Variants in ZNF560 observed in about 807,000 individuals in gnomAD.
ZNF560 encodes zinc finger protein 560.
Under a neutral mutation model 81.8 loss-of-function variants are expected in ZNF560, and 54 were observed. The observed-to-expected ratio is 0.66, with a 90% confidence interval of 0.53 to 0.83. ZNF560 has a LOEUF of 0.83. ZNF560 is among the 40% of genes least tolerant of loss of function. The pLI is 0.00. For synonymous variants in ZNF560, 321 were observed against 317.9 expected (o/e 1.01, Z -0.10); for missense variants, 940 against 932.4 (o/e 1.01, Z -0.11).
chr19:9,477,111 A>G (rs186506309), intron 2 of ZNF560, among the ~76,000 whole-genome samples: 6 of 152,302 alleles, frequency 3.9e-5, no homozygotes, highest in Admixed American at 1.3e-4. Flanking sequence ...GAAATAGTAT[A>G]TGTTCTGTAT....
the ZNF560 span, among the ~76,000 whole-genome samples, chr19:9,455,925 G>GA: frequency 1.3e-5 from 2 of 152,104 alleles, no homozygotes; most frequent in Admixed American, 1.3e-4. Context: ...AGAGAATGTA[G>GA]AAAAAATCAG....
At chr19:9,451,806 GTCTCACAC>G in the ZNF560 span, among the ~76,000 whole-genome samples, 1 of 152,156 alleles carries the variant, frequency 6.6e-6, no homozygotes, top group Non-Finnish European at 1.5e-5. Flanking sequence ...TTGGCGCAGT[GTCTCACAC>G]CTGTAACCCC....
At chr19:9,452,126 C>T in the ZNF560 span, among the ~76,000 whole-genome samples, 1 of 151,708 alleles carries the variant, frequency 6.6e-6, no homozygotes, top group African/African-American at 2.4e-5. Flanking sequence ...ACAGGCAGTT[C>T]TCAAAAGAAG....
rs763155359 is a variant in ZNF560, at chr19:9,467,580, C to T, written c.1367G>A (p.Gly456Glu). 7.4e-6 allele frequency: 12 copies of T among 1,614,116 alleles called. No homozygotes were observed. Among genetic ancestry groups the T allele is most frequent in the Non-Finnish European group, 1.7e-6 (2 of 1,180,014 alleles). The change falls in exon 10 of 10, where the codon GGA (glycine) becomes GAA (glutamate). Residue 456 changes from glycine to glutamate, a missense_variant. Coordinates refer to ENST00000301480, the MANE Select transcript of ZNF560 (RefSeq NM_152476.3). ...SLFGHLRVHN[G>E]EKPYEHKEYG... ...TTCCTTATGCTCATATGGCTTCTCTCCATTATGAACTCTCAAATGTCCAAA... is the reference window on the plus strand; with the variant it reads ...TTCCTTATGCTCATATGGCTTCTCTTCATTATGAACTCTCAAATGTCCAAA...
At chr19:9,500,866 C>T (rs1389005083), upstream of ZNF560, among the ~76,000 whole-genome samples, 2 of 152,080 alleles carry the variant, frequency 1.3e-5, no homozygotes, top group South Asian at 2.1e-4. Flanking sequence ...TGAGCCACCA[C>T]GCCTGGCCAG....
At chr19:9,477,995 A>G (rs943663633) in intron 2 of ZNF560, among the ~76,000 whole-genome samples, 3 of 152,204 alleles carry the variant, frequency 2.0e-5, no homozygotes, top group Non-Finnish European at 4.4e-5. Context: ...CAATAACAAC[A>G]TTTCCACACT....
chr19:9,493,510 G>A lies in ZNF560; in HGVS notation c.-57+4618C>T, dbSNP rs945554068. Among the ~76,000 whole-genome samples, 99 of 151,982 alleles carry A rather than the reference G, an allele frequency of 6.5e-4. 1 individual carries two copies. Among genetic ancestry groups the A allele is most frequent in the South Asian group, 1.0e-3 (5 of 4,800 alleles). Reference sequence around the variant, plus strand: ...CTCCCAAGTAGCTGGGATTACAGGCGCCCGCCACGCCCAACTAATTTTTGT... The same window carrying A: ...CTCCCAAGTAGCTGGGATTACAGGCACCCGCCACGCCCAACTAATTTTTGT... On this transcript the variant is annotated intron_variant, in intron 2 of 9. Transcript: ENST00000301480.
intron 2 of ZNF560, among the ~76,000 whole-genome samples, chr19:9,483,620 G>A (rs1249660974): frequency 6.8e-6 from 1 of 147,972 alleles, no homozygotes; most frequent in Non-Finnish European, 1.5e-5. Flanking sequence ...CCCCGTCTGG[G>A]AGGGAGGTGG....
intron 2 of ZNF560, among the ~76,000 whole-genome samples, chr19:9,488,273 T>C (rs1368651167): frequency 2.0e-5 from 3 of 152,182 alleles, no homozygotes; most frequent in Non-Finnish European, 4.4e-5. Flanking sequence ...GCTGGGGCCA[T>C]GCTCTTAGAC....
At chr19:9,451,940 G>A in the ZNF560 span, among the ~76,000 whole-genome samples, 41 of 152,070 alleles carry the variant, frequency 2.7e-4, no homozygotes, top group Middle Eastern at 3.2e-3. Context: ...GCTGGGCATG[G>A]TGGCGAACAT....
Position 9,475,314 on chromosome 19 carries a change from C to T in ZNF560, c.-1G>A, listed in dbSNP as rs1442684462. On this transcript the variant is annotated 5_prime_UTR_variant, in exon 3 of 10. Transcript: ENST00000301480. ...AACAATTTGTCAGGCAGTAAGCCAT[C>T]TTCCTTTCTGCCTCTGTCTTTTCTT... 6.2e-7 allele frequency: 1 copy of T among 1,613,712 alleles called. No homozygotes were observed. Among genetic ancestry groups the T allele is most frequent in the Non-Finnish European group, 8.5e-7 (1 of 1,179,884 alleles).
upstream of ZNF560, among the ~76,000 whole-genome samples, chr19:9,502,162 A>G (rs1599691590): frequency 6.7e-6 from 1 of 148,614 alleles, no homozygotes; most frequent in East Asian, 1.9e-4. Flanking sequence ...TCAAAAAAGA[A>G]AAAAAGAAAA....
At chr19:9,449,349 G>C in the ZNF560 span, among the ~76,000 whole-genome samples, 1 of 152,242 alleles carries the variant, frequency 6.6e-6, no homozygotes, top group East Asian at 1.9e-4. Context: ...ACCAAGATCT[G>C]TCAAAATCAC....
chr19:9,475,159 A>G (rs1568456546), intron 3 of ZNF560, 125 bp downstream of exon 3: 1 of 939,520 alleles, frequency 1.1e-6, no homozygotes, highest in East Asian at 2.6e-5. Flanking sequence ...TCAACAAGTG[A>G]CTCAGTGCTT....
chr19:9,478,897 C>A (rs929896456), intron 2 of ZNF560, among the ~76,000 whole-genome samples: 2 of 152,028 alleles, frequency 1.3e-5, no homozygotes, highest in Admixed American at 1.3e-4. Context: ...AGGTGCAGTG[C>A]CTCATGCCAC....
rs2073105289 is a variant in ZNF560, at chr19:9,470,535, A to T, written c.322-17T>A. On this transcript the variant is annotated splice_polypyrimidine_tract_variant and intron_variant, in intron 6 of 9. Coordinates refer to ENST00000301480, the MANE Select transcript of ZNF560 (RefSeq NM_152476.3). ...TACCAGGTCCTAAACCATCAGACAC[A>T]TGCTGATTTGAGCCAAGCAACATCT... The T allele has an allele frequency of 1.2e-6, 2 of 1,614,208 alleles. No homozygotes were observed. Among genetic ancestry groups the T allele is most frequent in the Non-Finnish European group, 1.7e-6 (2 of 1,180,024 alleles).
Position 9,466,820 on chromosome 19 carries a change from T to C in ZNF560, c.2127A>G (p.Ile709Met), listed in dbSNP as rs1489421439. Residue 709 changes from isoleucine to methionine, a missense_variant, in exon 10 of 10, where the codon ATA becomes ATG. Transcript: ENST00000301480. The part of the protein sequence containing the change: ...FHDRLKTLTK[I>M]KPYKCKDCGK... The stretch of plus-strand genomic sequence containing the variant: ...CACAGTCCTTACATTTATAGGGTTT[T>C]ATTTTGGTGAGAGTTTTTAAGCGAT... 6.2e-7 allele frequency: 1 copy of C among 1,611,878 alleles called. No homozygotes were observed. The highest frequency in any genetic ancestry group is 8.5e-7 in the Non-Finnish European group (1 of 1,179,274).
intron 2 of ZNF560, among the ~76,000 whole-genome samples, chr19:9,495,593 T>C (rs1450853703): frequency 1.3e-5 from 2 of 151,794 alleles, no homozygotes; most frequent in Non-Finnish European, 2.9e-5. Context: ...TGTAATCCCA[T>C]CTACTTGGGA....
intron 2 of ZNF560, among the ~76,000 whole-genome samples, chr19:9,482,666 C>CACGGTCTCCCTCTCCCT (rs2073309985): frequency 6.7e-6 from 1 of 149,402 alleles, no homozygotes; most frequent in African/African-American, 2.5e-5. Context: ...TCCCTCTCCC[C>CACGGTCTCCCTCTCCCT]ACGGTCTCCC....
Sources: gnomAD v4.1 joint callset for allele counts (sites outside exome capture counted in the v4.1 genomes callset) on GRCh38, gnomAD v4.1.1 for gene constraint, MANE v1.5 for transcripts, NCBI Gene and HGNC (gene_info 2026-07-23, HGNC 2026-07-21) for gene names.